TECRL: variants seen among roughly 807,000 people sequenced by gnomAD.
TECRL encodes the protein trans-2,3-enoyl-CoA reductase like.
Under a neutral mutation model 52.8 loss-of-function variants are expected in TECRL, and 63 were observed. The ratio of observed to expected loss-of-function variants is 1.19; its 90% CI spans 0.97 to 1.47. TECRL has a LOEUF of 1.47. Ranked by LOEUF, TECRL falls within the 40% of genes most tolerant of loss-of-function variation. The probability of loss-of-function intolerance (pLI) is 0.00; values close to 1 mark genes in which losing one functional copy is unlikely to be tolerated. For missense variants in TECRL, 482 were observed against 429.6 expected (o/e 1.12, Z -1.08); for synonymous variants, 164 against 141.9 (o/e 1.16, Z -1.10).
intron 1 of TECRL, among the ~76,000 whole-genome samples, chr4:64,387,273 T>G (rs980825233): frequency 6.6e-6 from 1 of 152,126 alleles, no homozygotes; most frequent in African/African-American, 2.4e-5. Flanking sequence ...CTGAATAACA[T>G]TCCACTGTCC....
At chr4:64,371,754 T>C (rs1721986624) in intron 2 of TECRL, among the ~76,000 whole-genome samples, 1 of 151,740 alleles carries the variant, frequency 6.6e-6, no homozygotes, top group Admixed American at 6.6e-5. Context: ...TGAAGTTCGT[T>C]TCTACTTACA....
chr4:64,404,068 A>G (rs1444112593), intron 1 of TECRL, among the ~76,000 whole-genome samples: 1 of 152,048 alleles, frequency 6.6e-6, no homozygotes. Flanking sequence ...TAAGGTTACA[A>G]AGGTATAATT....
intron 2 of TECRL, among the ~76,000 whole-genome samples, chr4:64,368,348 T>G (rs552625846): frequency 2.0e-5 from 3 of 152,072 alleles, no homozygotes; most frequent in Admixed American, 1.3e-4. Context: ...CAGGCTGGAG[T>G]GCAATGGCAT....
chr4:64,353,815 A>G (rs1046738563), intron 2 of TECRL, among the ~76,000 whole-genome samples: 1 of 152,044 alleles, frequency 6.6e-6, no homozygotes, highest in African/African-American at 2.4e-5. Context: ...AAAAAGTAGA[A>G]TTAAAGGGGA....
chr4:64,332,632 A>T (rs958035538), intron 2 of TECRL, among the ~76,000 whole-genome samples: 14 of 147,930 alleles, frequency 9.5e-5, no homozygotes, highest in African/African-American at 3.2e-4. Context: ...GATTGATATA[A>T]ACATAAAATA....
intron 4 of TECRL, among the ~76,000 whole-genome samples, chr4:64,318,580 G>A (rs1717670347): frequency 6.6e-6 from 1 of 151,744 alleles, no homozygotes; most frequent in Non-Finnish European, 1.5e-5. Context: ...AACCAAACAA[G>A]AATTGTTTAG....
rs138793070 is a variant in TECRL, at chr4:64,397,163, C to T, written c.234+11955G>A. Among the ~76,000 whole-genome samples the T allele has an allele frequency of 9.7e-3, 1,482 of 152,162 alleles. 25 individuals carry two copies. Among genetic ancestry groups the T allele is most frequent in the African/African-American group, 0.034 (1,413 of 41,522 alleles). On this transcript the variant is annotated intron_variant, in intron 1 of 11. Coordinates refer to ENST00000381210, the MANE Select transcript of TECRL (RefSeq NM_001010874.5). ...CTAATTAGTGTGTCATGCACATTTTCAGGTTTCTATGTAGGGAGATTGCCT... is the reference window on the plus strand; with the variant it reads ...CTAATTAGTGTGTCATGCACATTTTTAGGTTTCTATGTAGGGAGATTGCCT...
At chr4:64,372,496 A>G (rs1345630909) in intron 2 of TECRL, among the ~76,000 whole-genome samples, 4 of 151,840 alleles carry the variant, frequency 2.6e-5, no homozygotes, top group Non-Finnish European at 5.9e-5. Flanking sequence ...GAGTAAACTA[A>G]GAGATTATTC....
chr4:64,355,303 T>A (rs577736309), intron 2 of TECRL, among the ~76,000 whole-genome samples: 19 of 152,268 alleles, frequency 1.2e-4, no homozygotes, highest in African/African-American at 4.6e-4. Context: ...TACTGTAGAT[T>A]GTCAGAAAAT....
intron 2 of TECRL, among the ~76,000 whole-genome samples, chr4:64,335,587 G>A (rs1047763610): frequency 2.6e-5 from 4 of 152,102 alleles, no homozygotes; most frequent in Admixed American, 2.6e-4. Flanking sequence ...CATGAAACTG[G>A]TCTCTGGTGC....
intron 1 of TECRL, among the ~76,000 whole-genome samples, 166 bp from the exon 2 acceptor site, chr4:64,375,389 ATCAG>A (rs1363954308): frequency 6.6e-6 from 1 of 151,900 alleles, no homozygotes; most frequent in African/African-American, 2.4e-5. Flanking sequence ...AAATGTTGCA[ATCAG>A]TAACAATATA....
chr4:64,354,645 T>A (rs544372226), intron 2 of TECRL, among the ~76,000 whole-genome samples: 70 of 152,274 alleles, frequency 4.6e-4, no homozygotes, highest in Non-Finnish European at 8.4e-4. Context: ...AGAGAAAGAA[T>A]AAGGTTAGAT....
chr4:64,395,101 A>C (rs1723838008), intron 1 of TECRL, among the ~76,000 whole-genome samples: 1 of 151,804 alleles, frequency 6.6e-6, no homozygotes, highest in South Asian at 2.1e-4. Flanking sequence ...TAGTAGAAAC[A>C]GATTGGCCAG....
At chr4:64,401,854 G>A (rs551078114) in intron 1 of TECRL, among the ~76,000 whole-genome samples, 87 of 152,134 alleles carry the variant, frequency 5.7e-4, no homozygotes, top group Non-Finnish European at 1.1e-3. Flanking sequence ...ATAGGAAATA[G>A]GTTTTCTCTT....
At chr4:64,340,876 T>A (rs898443806) in intron 2 of TECRL, among the ~76,000 whole-genome samples, 4 of 152,052 alleles carry the variant, frequency 2.6e-5, no homozygotes, top group African/African-American at 9.7e-5. Context: ...CTGAAGCCCA[T>A]AAAGGCCCCA....
At chr4:64,301,647 G>T (rs542868020) in intron 7 of TECRL, among the ~76,000 whole-genome samples, 1 of 151,242 alleles carries the variant, frequency 6.6e-6, no homozygotes, top group African/African-American at 2.4e-5. Context: ...TAACTGAAAA[G>T]GATATCTTGT....
At chr4:64,357,610 A>C (rs571737168) in intron 2 of TECRL, among the ~76,000 whole-genome samples, 1 of 151,372 alleles carries the variant, frequency 6.6e-6, no homozygotes, top group Non-Finnish European at 1.5e-5. Context: ...ATGAAAAGAA[A>C]AGTTAAAATA....
chr4:64,348,066 C>T (rs1429105798), intron 2 of TECRL, among the ~76,000 whole-genome samples: 1 of 152,074 alleles, frequency 6.6e-6, no homozygotes, highest in Non-Finnish European at 1.5e-5. Flanking sequence ...AGCAGTGCCC[C>T]ACTCCGGGTA....
rs59253067 is a variant in TECRL, at chr4:64,403,475, G to GCGCGCACACACACACACA, written c.234+5642_234+5643insTGTGTGTGTGTGTGCGCG. On this transcript the variant is annotated intron_variant, in intron 1 of 11. Coordinates refer to ENST00000381210, the MANE Select transcript of TECRL (RefSeq NM_001010874.5). ...AAACAATATTCTTCCCTCCCTGAGC[G>GCGCGCACACACACACACA]CACACACACACACACACACACACAC... 4.0e-3 allele frequency among the ~76,000 whole-genome samples: 589 copies of GCGCGCACACACACACACA among 148,332 alleles called. 10 individuals are homozygous for GCGCGCACACACACACACA. Among genetic ancestry groups the GCGCGCACACACACACACA allele is most frequent in the African/African-American group, 0.013 (533 of 40,182 alleles).
Sources: gnomAD v4.1 joint callset for allele counts (sites outside exome capture counted in the v4.1 genomes callset) on GRCh38, gnomAD v4.1.1 for gene constraint, MANE v1.5 for transcripts, NCBI Gene and HGNC (gene_info 2026-07-23, HGNC 2026-07-21) for gene names.